The following SZRD1 variants were observed in gnomAD, a reference collection of about 807,000 sequenced individuals.
SZRD1 encodes the protein SUZ RNA binding domain containing 1.
SZRD1 carries 7 observed loss-of-function variants against 17.6 expected under a neutral mutation model. The observed-to-expected ratio is 0.40, with a 90% CI of 0.23 to 0.75. The LOEUF is 0.75. Among genes scored for constraint, SZRD1 ranks in the 30% least tolerant of loss-of-function variants. The pLI is 0.38. For missense variants in SZRD1, 178 were observed against 201.8 expected (o/e 0.88, Z 0.71); for synonymous variants, 77 against 77.9 (o/e 0.99, Z 0.06).
chr1:16,370,170 A>ACTCC (rs2082888915), intron 1 of SZRD1, among the ~76,000 whole-genome samples: 1 of 150,428 alleles, frequency 6.6e-6, no homozygotes, highest in African/African-American at 2.5e-5. Flanking sequence ...TTTTGCTGCT[A>ACTCC]CCTCTCTACC....
In SZRD1 at chr1:16,393,622, G is replaced by C. The variant is rs144937376; in HGVS notation, c.356+140G>C. On this transcript the variant is annotated intron_variant, in intron 3 of 3. Transcript: ENST00000401088. This position sits in a 1 kb window ranked among gnomAD's most constrained non-coding sequence, Gnocchi z 5.6. Reference sequence around the variant, plus strand: ...CATGCAGCTCCACTTGCTGATCCCAGCCTGCTGGCACTAGTTCACTGTGCC... The same window carrying C: ...CATGCAGCTCCACTTGCTGATCCCACCCTGCTGGCACTAGTTCACTGTGCC... 1 of 932,710 alleles carries C rather than the reference G, an allele frequency of 1.1e-6. No individual in the cohort carries two copies. The highest frequency in any genetic ancestry group is 1.6e-6 in the Non-Finnish European group (1 of 631,948). The allele number at this position is 932,710 out of a possible 1,614,324, so 57.8% of individuals were successfully genotyped here. A position where few individuals can be genotyped will look rare whatever the true frequency, so the allele number is the denominator to read the frequency against.
intron 1 of SZRD1, 134 bp downstream of exon 1, chr1:16,367,442 C>CA: frequency 1.2e-6 from 1 of 803,748 alleles, no homozygotes; most frequent in Non-Finnish European, 1.9e-6. Flanking sequence ...TGGAGAGGCC[C>CA]CCAGTTCCTG....
At position 16,398,131 on chromosome 1, in the gene SZRD1, G is replaced by A. The variant is rs1477676330; in HGVS notation, c.*2991G>A. On this transcript the variant is annotated 3_prime_UTR_variant, in exon 4 of 4. Transcript: ENST00000401088. ...TTTATAAATTGTATTTTAAATACATGTTTTAAACTTGTCAGATCTTTGTCC... is the reference window on the plus strand; with the variant it reads ...TTTATAAATTGTATTTTAAATACATATTTTAAACTTGTCAGATCTTTGTCC... The A allele has an allele frequency of 1.6e-5, 8 of 489,470 alleles. No individual in the cohort carries two copies. Among genetic ancestry groups the A allele is most frequent in the Non-Finnish European group, 2.1e-5 (8 of 376,528 alleles). The allele number at this position is 489,470 out of a possible 1,614,324, so 30.3% of individuals were successfully genotyped here. A position where few individuals can be genotyped will look rare whatever the true frequency, so the allele number is the denominator to read the frequency against.
rs1372702716 is a variant in SZRD1 at position 16,395,059 on chromosome 1, C to T, written c.378C>T (p.Pro126=). Residue 126 remains proline, a synonymous_variant, in exon 4 of 4, where the codon CCC becomes CCT. Transcript: ENST00000401088. Reference sequence around the variant, plus strand: ...TCAGGCCAACCAGGATCTCCCAACCCGAAGACAGCAGGCAGCCCAATAATG... The same window carrying T: ...TCAGGCCAACCAGGATCTCCCAACCTGAAGACAGCAGGCAGCCCAATAATG... ...ILDRPTRISQ[P]EDSRQPNNVI... The T allele has an allele frequency of 3.7e-6, 6 of 1,613,230 alleles. No individual in the cohort carries two copies. The highest frequency in any genetic ancestry group is 3.3e-5 in the Admixed American group (2 of 59,998).
At chr1:16,380,757 C>T (rs903971358) in intron 1 of SZRD1, among the ~76,000 whole-genome samples, 5 of 151,986 alleles carry the variant, frequency 3.3e-5, no homozygotes, top group African/African-American at 1.2e-4. Context: ...CGTGAGCCAC[C>T]GTGCGTGGCC....
intron 1 of SZRD1, among the ~76,000 whole-genome samples, chr1:16,386,179 C>T (rs1219675806): frequency 6.6e-6 from 1 of 152,226 alleles, no homozygotes. Context: ...TAGGAGATCA[C>T]TTTCCTGGCC....
At chr1:16,394,329 T>C (rs2100754118) in intron 3 of SZRD1, among the ~76,000 whole-genome samples, 1 of 152,162 alleles carries the variant, frequency 6.6e-6, no homozygotes, top group South Asian at 2.1e-4. Context: ...GAGGGAAGAA[T>C]TGGGGGGCGG....
chr1:16,395,083 T>C lies in SZRD1; in HGVS notation c.402T>C (p.Asn134=). 1 of 1,614,060 alleles carries C rather than the reference T, an allele frequency of 6.2e-7. No homozygotes were observed. The highest frequency in any genetic ancestry group is 1.3e-5 in the African/African-American group (1 of 75,040). ...CCGAAGACAGCAGGCAGCCCAATAA[T>C]GTGATCAGACAGCCTTTGGGTCCTG... The part of the protein sequence containing the change: ...SQPEDSRQPN[N]VIRQPLGPDG... The change falls in exon 4 of 4, where the codon AAT becomes AAC. Residue 134 remains asparagine (N), a synonymous_variant. Coordinates refer to ENST00000401088, the MANE Select transcript of SZRD1 (RefSeq NM_001114600.3).
intron 1 of SZRD1, among the ~76,000 whole-genome samples, chr1:16,388,568 TACTG>T (rs748146764): frequency 1.4e-3 from 206 of 151,066 alleles, no homozygotes; most frequent in Admixed American, 3.0e-3. Flanking sequence ...TTCTAGGAAA[TACTG>T]ACCAAAAGAA....
chr1:16,378,548 A>G (rs978038864), intron 1 of SZRD1, among the ~76,000 whole-genome samples: 1 of 152,024 alleles, frequency 6.6e-6, no homozygotes, highest in African/African-American at 2.4e-5. Context: ...TCGGCCTCGC[A>G]AAGTGTTGGG....
In SZRD1 at chr1:16,381,243, G is replaced by T. The variant is rs2100720195; in HGVS notation, c.52-10132G>T. 2.0e-5 allele frequency among the ~76,000 whole-genome samples: 3 copies of T among 152,116 alleles called. 1 individual carries two copies. Among genetic ancestry groups the T allele is most frequent in the Admixed American group, 2.0e-4 (3 of 15,268 alleles). The stretch of plus-strand genomic sequence containing the variant: ...CACTGTAGTTTGAACAACAGAGCAA[G>T]AACTTGTTTCTTAAAAAAATAAATA... On this transcript the variant is annotated intron_variant, in intron 1 of 3. Coordinates refer to ENST00000401088, the MANE Select transcript of SZRD1 (RefSeq NM_001114600.3).
intron 1 of SZRD1, among the ~76,000 whole-genome samples, chr1:16,368,489 TTA>T (rs1438812417): frequency 6.6e-6 from 1 of 152,100 alleles, no homozygotes; most frequent in African/African-American, 2.4e-5. Context: ...CAACGGTTGT[TTA>T]TGTTTTTCCA....
intron 1 of SZRD1, among the ~76,000 whole-genome samples, chr1:16,370,226 T>A (rs60329093): frequency 1.2e-5 from 1 of 86,036 alleles, no homozygotes; most frequent in African/African-American, 3.5e-5. Context: ...TTTCTTTTCC[T>A]TTTTTTTTTT....
At chr1:16,382,817 G>A (rs1186792135) in intron 1 of SZRD1, among the ~76,000 whole-genome samples, 1 of 151,862 alleles carries the variant, frequency 6.6e-6, no homozygotes, top group Non-Finnish European at 1.5e-5. Flanking sequence ...TCTAAGGTTA[G>A]ACTCTAAAGC....
At chr1:16,372,191 T>C (rs991002008) in intron 1 of SZRD1, among the ~76,000 whole-genome samples, 3 of 151,950 alleles carry the variant, frequency 2.0e-5, no homozygotes, top group Admixed American at 6.6e-5. Flanking sequence ...CAATAAAATA[T>C]GCCAGGCGTG....
chr1:16,385,195 G>A (rs940616411), intron 1 of SZRD1, among the ~76,000 whole-genome samples: 2 of 152,188 alleles, frequency 1.3e-5, no homozygotes, highest in Non-Finnish European at 2.9e-5. Flanking sequence ...CTCAGAGAGA[G>A]GGATGCTGTG....
At chr1:16,389,265 T>G (rs1192805002) in intron 1 of SZRD1, among the ~76,000 whole-genome samples, 2 of 136,428 alleles carry the variant, frequency 1.5e-5, no homozygotes, top group Non-Finnish European at 3.2e-5. Context: ...TTGTATTTTT[T>G]TGAGGGGGGG....
intron 1 of SZRD1, among the ~76,000 whole-genome samples, chr1:16,379,397 C>T (rs992153786): frequency 4.6e-5 from 7 of 152,184 alleles, no homozygotes; most frequent in African/African-American, 1.7e-4. Flanking sequence ...GCCACTACGC[C>T]CTGCCTTAGG....
rs1392658075 is a variant in SZRD1 at position 16,391,433 on chromosome 1, G to T, written c.101+9G>T. 19 of 1,548,492 alleles carry T rather than the reference G, an allele frequency of 1.2e-5. No individual in the cohort carries two copies. Among genetic ancestry groups the T allele is most frequent in the Non-Finnish European group, 1.7e-5 (19 of 1,145,822 alleles). On this transcript the variant is annotated intron_variant, in intron 2 of 3. Coordinates refer to ENST00000401088, the MANE Select transcript of SZRD1 (RefSeq NM_001114600.3). The surrounding 1 kb of genome is among the most constrained non-coding windows in gnomAD (Gnocchi z 4.3). ...ATCACACAAAAAGAGAGGTAAGGCT[G>T]CTGTCTGGTCTGAGGGCTCATGCTC... is the stretch of plus-strand genomic sequence containing the variant.
Sources: gnomAD v4.1 joint callset for allele counts (sites outside exome capture counted in the v4.1 genomes callset) on GRCh38, gnomAD v4.1.1 for gene constraint, Gnocchi (gnomAD v3.1) non-coding constraint, MANE v1.5 for transcripts, NCBI Gene and HGNC (gene_info 2026-07-23, HGNC 2026-07-21) for gene names.